SNX13: variants seen among roughly 807,000 people sequenced by gnomAD.
SNX13 encodes the protein sorting nexin 13.
SNX13 carries 45 observed loss-of-function variants against 133.6 expected under a neutral mutation model. That is an observed-to-expected ratio of 0.34 (90% CI 0.27 to 0.43). The LOEUF (loss-of-function observed/expected upper bound fraction) is 0.43, where lower values mean the gene tolerates loss of function less well. Among genes scored for constraint, SNX13 ranks in the 20% least tolerant of loss-of-function variants. SNX13 has a pLI of 1.00. For synonymous variants in SNX13, 414 were observed against 373.9 expected, an observed-to-expected ratio of 1.11 and a Z score of -1.24; for missense variants, 1,032 against 1,145.1, an observed-to-expected ratio of 0.90 and a Z score of 1.43.
At chr7:17,911,198 C>G (rs1315139181) in intron 1 of SNX13, among the ~76,000 whole-genome samples, 1 of 152,204 alleles carries the variant, frequency 6.6e-6, no homozygotes, top group African/African-American at 2.4e-5. Context: ...GTTGAAAACA[C>G]ATGATATCCA....
chr7:17,817,991 G>T (rs1426011167), intron 18 of SNX13, among the ~76,000 whole-genome samples: 15 of 152,096 alleles, frequency 9.9e-5, no homozygotes. Context: ...GTTTAAATGA[G>T]CCCCTTAGGG....
At chr7:17,823,565 C>T (rs779146257) in intron 17 of SNX13, among the ~76,000 whole-genome samples, 37 of 152,114 alleles carry the variant, frequency 2.4e-4, no homozygotes, top group Admixed American at 4.6e-4. Flanking sequence ...ATCTTTCATT[C>T]CCTTTCCATC....
At chr7:17,933,902 G>C (rs868790460) in intron 1 of SNX13, among the ~76,000 whole-genome samples, 4 of 151,604 alleles carry the variant, frequency 2.6e-5, no homozygotes, top group Admixed American at 6.6e-5. Context: ...AACAATGTAA[G>C]AACAGCAAGA....
At chr7:17,814,992 A>C in intron 19 of SNX13, 48 bp from the exon 20 acceptor site, 1 of 1,335,792 alleles carries the variant, frequency 7.5e-7, no homozygotes, top group Non-Finnish European at 9.6e-7. Context: ...AACTGACAGA[A>C]TGCTAGAAAT....
rs1793652046 is a variant in SNX13 at position 17,868,322 on chromosome 7, T to A, written c.837+85A>T. The A allele has an allele frequency of 4.5e-6, 4 of 887,866 alleles. No homozygotes were observed. In the South Asian group the frequency reaches 6.6e-5, roughly 15 times the overall value. 55.0% of individuals were successfully genotyped at this position (887,866 alleles called of 1,614,324 possible). A position where few individuals can be genotyped will look rare whatever the true frequency, so the allele number is the denominator to read the frequency against. ...TTACTTAATTTCTTTAATAAATTAC[T>A]GCTTAAACACCCTATCTCCCAACTA... On this transcript the variant is annotated intron_variant, in intron 9 of 25. Transcript: ENST00000428135.
chr7:17,802,980 T>C (rs984068107), intron 21 of SNX13, among the ~76,000 whole-genome samples: 1 of 152,108 alleles, frequency 6.6e-6, no homozygotes, highest in Non-Finnish European at 1.5e-5. Context: ...ATGATGAACT[T>C]TTCTTCTCTT....
intron 13 of SNX13, among the ~76,000 whole-genome samples, chr7:17,838,476 C>T (rs1232187628): frequency 6.6e-6 from 1 of 151,836 alleles, no homozygotes; most frequent in African/African-American, 2.4e-5. Context: ...TTTCTATTCA[C>T]TGATTCTCAC....
chr7:17,798,229 T>G (rs1392098644), intron 24 of SNX13, among the ~76,000 whole-genome samples: 1 of 151,860 alleles, frequency 6.6e-6, no homozygotes, highest in African/African-American at 2.4e-5. Flanking sequence ...AAATATGAAG[T>G]AGGGTACCTA....
At chr7:17,918,656 G>C (rs891537587) in intron 1 of SNX13, among the ~76,000 whole-genome samples, 2 of 152,122 alleles carry the variant, frequency 1.3e-5, no homozygotes, top group East Asian at 3.9e-4. Context: ...TACACTGTTG[G>C]AAGTATATTA....
At chr7:17,797,785 A>G (rs546897490) in intron 24 of SNX13, among the ~76,000 whole-genome samples, 1 of 151,868 alleles carries the variant, frequency 6.6e-6, no homozygotes, top group Non-Finnish European at 1.5e-5. Context: ...TAAAATGAAC[A>G]TGCCAGGGCA....
At chr7:17,882,435 C>G (rs538105233) in intron 5 of SNX13, 2 of 152,124 alleles carry the variant, frequency 1.3e-5, no homozygotes, top group African/African-American at 4.8e-5. Context: ...TTTTAATCAT[C>G]GAGAAGAGAT....
rs1414944728 is a variant in SNX13 at position 17,917,031 on chromosome 7, T to C, written c.13-19585A>G. Reference sequence around the variant, plus strand: ...AACATATGCAAATCAATAAATGTGATTCACCATATAAACAGCATTAAAAAC... The same window carrying C: ...AACATATGCAAATCAATAAATGTGACTCACCATATAAACAGCATTAAAAAC... On this transcript the variant is annotated intron_variant, in intron 1 of 25. Coordinates refer to ENST00000428135, the MANE Select transcript of SNX13 (RefSeq NM_015132.5). Among the ~76,000 whole-genome samples, 10 of 152,196 alleles carry C rather than the reference T, an allele frequency of 6.6e-5. No homozygotes were observed. In the East Asian group the frequency reaches 1.9e-3, roughly 29 times the overall value.
At chr7:17,913,661 C>A (rs1052508353) in intron 1 of SNX13, among the ~76,000 whole-genome samples, 1 of 151,214 alleles carries the variant, frequency 6.6e-6, no homozygotes. Flanking sequence ...AGAAACAAAG[C>A]CAACTGATCA....
chr7:17,819,217 C>T (rs991135833), intron 18 of SNX13, among the ~76,000 whole-genome samples: 1 of 152,084 alleles, frequency 6.6e-6, no homozygotes, highest in African/African-American at 2.4e-5. Context: ...AATGATAGCT[C>T]ATACATTTAG....
intron 1 of SNX13, among the ~76,000 whole-genome samples, chr7:17,938,452 T>G (rs1802364060): frequency 6.6e-6 from 1 of 152,206 alleles, no homozygotes; most frequent in African/African-American, 2.4e-5. Flanking sequence ...TAGGGAAGAC[T>G]TTAGTACAAT....
At chr7:17,904,142 C>A (rs1218259312) in intron 1 of SNX13, among the ~76,000 whole-genome samples, 9 of 152,182 alleles carry the variant, frequency 5.9e-5, no homozygotes, top group Admixed American at 5.9e-4. Context: ...GGCGTACTGA[C>A]ATTTATCTCA....
At chr7:17,842,011 A>G (rs1385324819) in intron 12 of SNX13, among the ~76,000 whole-genome samples, 2 of 152,040 alleles carry the variant, frequency 1.3e-5, no homozygotes, top group African/African-American at 2.4e-5. Context: ...GACCTGCTGG[A>G]CCAAGTTACA....
intron 1 of SNX13, among the ~76,000 whole-genome samples, chr7:17,919,377 A>T (rs1179240592): frequency 6.6e-6 from 1 of 152,170 alleles, no homozygotes; most frequent in Admixed American, 6.6e-5. Flanking sequence ...ATAAAAGCCA[A>T]AATTTTCCTC....
chr7:17,830,161 TAAAAAAA>T (rs367739163), intron 15 of SNX13, 114 bp from the exon 16 acceptor site: 20 of 475,434 alleles, frequency 4.2e-5, no homozygotes, highest in East Asian at 1.6e-4. Context: ...AACATAATAG[TAAAAAAA>T]AAAAAAAAAA....
Sources: gnomAD v4.1 joint callset for allele counts (sites outside exome capture counted in the v4.1 genomes callset) on GRCh38, gnomAD v4.1.1 for gene constraint, MANE v1.5 for transcripts, NCBI Gene and HGNC (gene_info 2026-07-23, HGNC 2026-07-21) for gene names.